The following MFSD6 variants were observed in gnomAD, a reference collection of about 807,000 sequenced individuals.
The protein encoded by MFSD6 is major facilitator superfamily domain-containing protein 6.
A neutral mutation model predicts 56.3 loss-of-function variants in MFSD6; 26 were observed. That is an observed-to-expected ratio of 0.46 (90% confidence interval 0.34 to 0.64). The LOEUF (loss-of-function observed/expected upper bound fraction) is 0.64. Ranked by LOEUF, MFSD6 falls within the 30% of genes least tolerant of loss-of-function variation. The pLI is 0.01. For missense variants in MFSD6, 750 were observed against 986.2 expected (o/e 0.76, Z 3.21); for synonymous variants, 331 against 366.9 (o/e 0.90, Z 1.12).
chr2:190,475,602 G>C (rs1688254724), intron 4 of MFSD6, among the ~76,000 whole-genome samples: 1 of 152,174 alleles, frequency 6.6e-6, no homozygotes, highest in South Asian at 2.1e-4. Context: ...CTCATGGATA[G>C]GAAGAATCAA....
At chr2:190,435,777 G>C in intron 2 of MFSD6, 200 bp from the exon 3 acceptor site, 1 of 420,532 alleles carries the variant, frequency 2.4e-6, no homozygotes, top group Non-Finnish European at 4.2e-6. Flanking sequence ...TAGTCAGTCA[G>C]TGGCCATAAA....
chr2:190,417,965 G>GGT lies in MFSD6; in HGVS notation c.-54+2587_-54+2588dup, dbSNP rs59001642. On this transcript the variant is annotated intron_variant, in intron 2 of 7. Transcript: ENST00000392328. This position sits in a 1 kb window ranked among gnomAD's most constrained non-coding sequence, Gnocchi z 5.7. ...CTGACTTTTCATTTAACCCTTTAGTGGTGTGTGTGTGTGTGTGTGTGTGTG... is the reference window on the plus strand; with the variant it reads ...CTGACTTTTCATTTAACCCTTTAGTGGTGTGTGTGTGTGTGTGTGTGTGTGTG... 0.049 allele frequency among the ~76,000 whole-genome samples: 7,117 copies of GGT among 144,620 alleles called. 205 individuals carry two copies. Among genetic ancestry groups the GGT allele is most frequent in the East Asian group, 0.065 (321 of 4,928 alleles). The allele number at this position is 144,620 out of a possible 152,430, so 94.9% of individuals were successfully genotyped here.
Position 190,434,182 on chromosome 2 carries a change from C to CAA in MFSD6, c.-53-1783_-53-1782dup, listed in dbSNP as rs67545783. ...GGTGACAGAGTAAGACCCTGTCTCT[C>CAA]AAAAAAAAAAAAAGAAAAAAAAGAA... On this transcript the variant is annotated intron_variant, in intron 2 of 7. Coordinates refer to ENST00000392328, the MANE Select transcript of MFSD6 (RefSeq NM_017694.4). This position sits in a 1 kb window ranked among gnomAD's most constrained non-coding sequence, Gnocchi z 4.3. Among the ~76,000 whole-genome samples, 565 of 129,694 alleles carry CAA rather than the reference C, an allele frequency of 4.4e-3. 4 individuals are homozygous for CAA. Among genetic ancestry groups the CAA allele is most frequent in the African/African-American group, 6.9e-3 (232 of 33,700 alleles). 85.1% of individuals were successfully genotyped at this position (129,694 alleles called of 152,430 possible). A position where few individuals can be genotyped will look rare whatever the true frequency, so the allele number is the denominator to read the frequency against.
intron 4 of MFSD6, among the ~76,000 whole-genome samples, chr2:190,482,514 G>A (rs1396355575): frequency 6.6e-6 from 1 of 150,900 alleles, no homozygotes; most frequent in Admixed American, 6.6e-5. Flanking sequence ...GTTATGTTTT[G>A]TTCAGTAAGC....
In MFSD6 at chr2:190,499,907, C is replaced by G; in HGVS notation, c.2173-108C>G. On this transcript the variant is annotated intron_variant, in intron 7 of 7. Transcript: ENST00000392328. This position sits in a 1 kb window ranked among gnomAD's most constrained non-coding sequence, Gnocchi z 6.0. ...TATTACTTGGTCCCTGAAATGGGCA[C>G]TTCCGGATGATCTCCCCATGTTTCC... The G allele has an allele frequency of 1.3e-6, 2 of 1,574,324 alleles. No individual in the cohort carries two copies. The highest frequency in any genetic ancestry group is 1.8e-5 in the Admixed American group (1 of 54,794).
In MFSD6 at chr2:190,489,957, T is replaced by A; in HGVS notation, c.1891+91T>A. 9.2e-7 allele frequency: 1 copy of A among 1,088,956 alleles called. No individual in the cohort carries two copies. The highest frequency in any genetic ancestry group is 1.3e-6 in the Non-Finnish European group (1 of 761,958). 67.5% of individuals were successfully genotyped at this position (1,088,956 alleles called of 1,614,324 possible). A position where few individuals can be genotyped will look rare whatever the true frequency, so the allele number is the denominator to read the frequency against. ...CGAGAAGCCTAGAAGTGGTACAGAGTATACAACAGGTCTGTTTGGCTCAAT... is the reference window on the plus strand; with the variant it reads ...CGAGAAGCCTAGAAGTGGTACAGAGAATACAACAGGTCTGTTTGGCTCAAT... On this transcript the variant is annotated intron_variant, in intron 6 of 7. Transcript: ENST00000392328. This position sits in a 1 kb window ranked among gnomAD's most constrained non-coding sequence, Gnocchi z 6.6.
At position 190,465,036 on chromosome 2, in the gene MFSD6, A is replaced by G. The variant is rs534376855; in HGVS notation, c.1533-4722A>G. On this transcript the variant is annotated intron_variant, in intron 3 of 7. Transcript: ENST00000392328. This position sits in a 1 kb window ranked among gnomAD's most constrained non-coding sequence, Gnocchi z 4.6. ...AATTCATTGTATCTATATCTTGAAC[A>G]CTCTTGAAAAAAATACCAGTTTTAT... 14 of 499,452 alleles carry G rather than the reference A, an allele frequency of 2.8e-5. No individual in the cohort carries two copies. Among genetic ancestry groups the G allele is most frequent in the Middle Eastern group, 9.7e-4 (1 of 1,026 alleles). 30.9% of individuals were successfully genotyped at this position (499,452 alleles called of 1,614,324 possible).
Position 190,496,691 on chromosome 2 carries a change from C to T in MFSD6, c.1892-748C>T, listed in dbSNP as rs1180667919. Among the ~76,000 whole-genome samples the T allele has an allele frequency of 4.0e-5, 6 of 151,804 alleles. No homozygotes were observed. The highest frequency in any genetic ancestry group is 1.5e-4 in the African/African-American group (6 of 41,308). On this transcript the variant is annotated intron_variant, in intron 6 of 7. Transcript: ENST00000392328. This position sits in a 1 kb window ranked among gnomAD's most constrained non-coding sequence, Gnocchi z 4.7. ...GTATGTGTGTGTGTATATACACACACACACATATACATACATACACAATGG... is the reference window on the plus strand; with the variant it reads ...GTATGTGTGTGTGTATATACACACATACACATATACATACATACACAATGG...
rs946467607 is a variant in MFSD6, at chr2:190,489,272, A to G, written c.1792+454A>G. On this transcript the variant is annotated intron_variant, in intron 5 of 7. Transcript: ENST00000392328. The surrounding 1 kb of genome is among the most constrained non-coding windows in gnomAD (Gnocchi z 6.6). ...GGTAACAATATCTGTCTGTCTTGTCATATCTTCCTTATTAGAAACATAGGA... is the reference window on the plus strand; with the variant it reads ...GGTAACAATATCTGTCTGTCTTGTCGTATCTTCCTTATTAGAAACATAGGA... Among the ~76,000 whole-genome samples, 1 of 152,204 alleles carries G rather than the reference A, an allele frequency of 6.6e-6. No individual in the cohort carries two copies. Among genetic ancestry groups the G allele is most frequent in the Non-Finnish European group, 1.5e-5 (1 of 68,032 alleles).
chr2:190,451,713 A>G lies in MFSD6; in HGVS notation c.1532+14152A>G, dbSNP rs1019224445. Among the ~76,000 whole-genome samples, 2 of 151,826 alleles carry G rather than the reference A, an allele frequency of 1.3e-5. No homozygotes were observed. On this transcript the variant is annotated intron_variant, in intron 3 of 7. Transcript: ENST00000392328. The surrounding 1 kb of genome is among the most constrained non-coding windows in gnomAD (Gnocchi z 5.0). ...GAAGCCCCCAGTGAAGATCTTGGGG[A>G]CAGAGAAAACCACACATGTGAATGG...
intron 2 of MFSD6, among the ~76,000 whole-genome samples, chr2:190,429,256 A>G (rs957995121): frequency 9.2e-5 from 14 of 151,510 alleles, no homozygotes; most frequent in African/African-American, 2.9e-4. Flanking sequence ...GTGTATACAT[A>G]TATCACCAAA....
Position 190,415,624 on chromosome 2 carries a change from A to G in MFSD6, c.-54+211A>G, listed in dbSNP as rs546895905. ...ACCTTTTTCTGAAACTAATTATATC[A>G]TTAGAATTGATAGCTTATGGTAATT... On this transcript the variant is annotated intron_variant, in intron 2 of 7. Coordinates refer to ENST00000392328, the MANE Select transcript of MFSD6 (RefSeq NM_017694.4). This position sits in a 1 kb window ranked among gnomAD's most constrained non-coding sequence, Gnocchi z 4.5. Among the ~76,000 whole-genome samples, 1 of 152,276 alleles carries G rather than the reference A, an allele frequency of 6.6e-6. No individual in the cohort carries two copies. Among genetic ancestry groups the G allele is most frequent in the South Asian group, 2.1e-4 (1 of 4,822 alleles).
chr2:190,458,818 C>T lies in MFSD6; in HGVS notation c.1533-10940C>T, dbSNP rs865896656. Reference sequence around the variant, plus strand: ...GTAGCTTTAACCAGGTCTCAGATGACGCGATCAGAACCTGCATCTCTCCCT... The same window carrying T: ...GTAGCTTTAACCAGGTCTCAGATGATGCGATCAGAACCTGCATCTCTCCCT... On this transcript the variant is annotated intron_variant, in intron 3 of 7. Coordinates refer to ENST00000392328, the MANE Select transcript of MFSD6 (RefSeq NM_017694.4). This position sits in a 1 kb window ranked among gnomAD's most constrained non-coding sequence, Gnocchi z 5.3. Among the ~76,000 whole-genome samples the T allele has an allele frequency of 2.6e-5, 4 of 152,300 alleles. No individual in the cohort carries two copies. Among genetic ancestry groups the T allele is most frequent in the Middle Eastern group, 3.4e-3 (1 of 294 alleles).
Position 190,497,295 on chromosome 2 carries a change from G to A in MFSD6, c.1892-144G>A. The A allele has an allele frequency of 1.1e-6, 1 of 880,086 alleles. No individual in the cohort carries two copies. The highest frequency in any genetic ancestry group is 1.7e-6 in the Non-Finnish European group (1 of 588,794). 54.5% of individuals were successfully genotyped at this position (880,086 alleles called of 1,614,324 possible). A position where few individuals can be genotyped will look rare whatever the true frequency, so the allele number is the denominator to read the frequency against. ...TTCAGTACTTACACCAAGTAATGAA[G>A]TCATTGGTAACCAGCAATTTATTAA... On this transcript the variant is annotated intron_variant, in intron 6 of 7. Coordinates refer to ENST00000392328, the MANE Select transcript of MFSD6 (RefSeq NM_017694.4). This position sits in a 1 kb window ranked among gnomAD's most constrained non-coding sequence, Gnocchi z 5.2.
At chr2:190,468,709 T>G (rs1687742338) in intron 3 of MFSD6, among the ~76,000 whole-genome samples, 1 of 151,340 alleles carries the variant, frequency 6.6e-6, no homozygotes, top group South Asian at 2.1e-4. Flanking sequence ...TCCTCCTGCC[T>G]CAGCCTCCCA....
At chr2:190,481,384 T>G (rs1353513762) in intron 4 of MFSD6, among the ~76,000 whole-genome samples, 1 of 152,258 alleles carries the variant, frequency 6.6e-6, no homozygotes, top group Non-Finnish European at 1.5e-5. Context: ...ATATATGGGA[T>G]TTGGAAGTTT....
Position 190,458,060 on chromosome 2 carries a change from G to A in MFSD6, c.1533-11698G>A, listed in dbSNP as rs958514543. Among the ~76,000 whole-genome samples, 2 of 152,096 alleles carry A rather than the reference G, an allele frequency of 1.3e-5. No individual in the cohort carries two copies. The highest frequency in any genetic ancestry group is 2.4e-5 in the African/African-American group (1 of 41,420). On this transcript the variant is annotated intron_variant, in intron 3 of 7. Transcript: ENST00000392328. The surrounding 1 kb of genome is among the most constrained non-coding windows in gnomAD (Gnocchi z 5.3). ...GTTGAGGCCCGAGGAAGCTGCCAGC[G>A]GTGTCACACACTCTGTTGCTGGTCT...
In MFSD6 at chr2:190,436,089, T is replaced by A; in HGVS notation, c.60T>A (p.Tyr20Ter). The change falls in exon 3 of 8, where the codon TAT becomes TAA. Residue 20 changes from tyrosine (Y) to a stop codon, truncating the protein, a stop_gained. Coordinates refer to ENST00000392328, the MANE Select transcript of MFSD6 (RefSeq NM_017694.4). LOFTEE classifies it high-confidence loss of function. This position sits in a 1 kb window ranked among gnomAD's most constrained non-coding sequence, Gnocchi z 5.3. ...ATGAAGAGGAACAGAAGAGAAAGTA[T>A]GTGCTTGCAGATCCCTTTAATGGTA... ...TDDEEEQKRK[Y>*]VLADPFNGIS... is the part of the protein sequence containing the mutation. The A allele has an allele frequency of 6.2e-7, 1 of 1,614,196 alleles. No individual in the cohort carries two copies. The highest frequency in any genetic ancestry group is 8.5e-7 in the Non-Finnish European group (1 of 1,180,032).
Position 190,463,787 on chromosome 2 carries a change from T to C in MFSD6, c.1533-5971T>C, listed in dbSNP as rs950024351. The C allele has an allele frequency of 2.3e-5, 18 of 798,106 alleles. No individual in the cohort carries two copies. The highest frequency in any genetic ancestry group is 2.7e-5 in the Non-Finnish European group (18 of 659,168). The allele number at this position is 798,106 out of a possible 1,614,324, so 49.4% of individuals were successfully genotyped here. The stretch of plus-strand genomic sequence containing the variant: ...TTGAGCTGTGATGACGCTACTGCAC[T>C]CCAGCCTGGGTAACAGAGCAAGACC... On this transcript the variant is annotated intron_variant, in intron 3 of 7. Coordinates refer to ENST00000392328, the MANE Select transcript of MFSD6 (RefSeq NM_017694.4). This position sits in a 1 kb window ranked among gnomAD's most constrained non-coding sequence, Gnocchi z 4.4.
Sources: gnomAD v4.1 joint callset for allele counts (sites outside exome capture counted in the v4.1 genomes callset) on GRCh38, gnomAD v4.1.1 for gene constraint, Gnocchi (gnomAD v3.1) non-coding constraint, MANE v1.5 for transcripts, NCBI Gene and HGNC (gene_info 2026-07-23, HGNC 2026-07-21) for gene names.